The following HS6ST3 variants were observed in gnomAD, a reference collection of about 807,000 sequenced individuals.
HS6ST3 encodes heparan-sulfate 6-O-sulfotransferase 3.
In HS6ST3, 12 loss-of-function variants were observed where a neutral mutation model predicts 36.7. That is an observed-to-expected ratio of 0.33 (90% confidence interval 0.21 to 0.53). HS6ST3 has a LOEUF of 0.53. Among genes scored for constraint, HS6ST3 ranks in the 20% least tolerant of loss-of-function variants. The pLI is 0.95. For synonymous variants in HS6ST3, 240 were observed against 257.5 expected, an observed-to-expected ratio of 0.93 and a Z score of 0.65; for missense variants, 584 against 640.9, an observed-to-expected ratio of 0.91 and a Z score of 0.96.
At chr13:96,519,326 GGCT>G (rs2056084573) in intron 1 of HS6ST3, among the ~76,000 whole-genome samples, 1 of 152,158 alleles carries the variant, frequency 6.6e-6, no homozygotes, top group Non-Finnish European at 1.5e-5. Flanking sequence ...GAAGAGCTAT[GGCT>G]TCACTCAATG....
intron 1 of HS6ST3, among the ~76,000 whole-genome samples, chr13:96,188,809 AT>A (rs2054276386): frequency 6.6e-6 from 1 of 152,116 alleles, no homozygotes; most frequent in Admixed American, 6.6e-5. Context: ...GGGGATATTT[AT>A]TGTCCATAAT....
intron 1 of HS6ST3, among the ~76,000 whole-genome samples, chr13:96,358,520 TA>T (rs1222259090): frequency 6.6e-6 from 1 of 151,928 alleles, no homozygotes; most frequent in Non-Finnish European, 1.5e-5. Flanking sequence ...CTGGGTTCTT[TA>T]AAAAAATTAA....
chr13:96,179,954 C>T (rs757384797), intron 1 of HS6ST3, among the ~76,000 whole-genome samples: 4 of 152,090 alleles, frequency 2.6e-5, no homozygotes, highest in East Asian at 1.9e-4. Context: ...CTCAGCCTAC[C>T]GAGTAACTGG....
intron 1 of HS6ST3, among the ~76,000 whole-genome samples, chr13:96,308,829 C>T (rs61966902): frequency 0.11 from 16,656 of 151,964 alleles, 949 homozygotes; most frequent in Middle Eastern, 0.14. Context: ...TCTAGTGGTA[C>T]GCATGATATA....
intron 1 of HS6ST3, among the ~76,000 whole-genome samples, chr13:96,808,112 A>G (rs1441957972): frequency 6.6e-6 from 1 of 152,228 alleles, no homozygotes; most frequent in East Asian, 1.9e-4. Context: ...GTCCTAAGAC[A>G]AAGAAAAAAG....
At chr13:96,368,238 G>A (rs2055273039) in intron 1 of HS6ST3, among the ~76,000 whole-genome samples, 1 of 152,052 alleles carries the variant, frequency 6.6e-6, no homozygotes, top group Non-Finnish European at 1.5e-5. Context: ...AAAAGTAAGG[G>A]GCTGGCAGTC....
intron 1 of HS6ST3, among the ~76,000 whole-genome samples, chr13:96,530,679 A>G (rs2138934229): frequency 6.6e-6 from 1 of 152,108 alleles, no homozygotes. Flanking sequence ...TTCTAAAACC[A>G]TTCTTTCTAC....
chr13:96,225,373 G>A (rs1163364056), intron 1 of HS6ST3, among the ~76,000 whole-genome samples: 1 of 152,188 alleles, frequency 6.6e-6, no homozygotes, highest in Non-Finnish European at 1.5e-5. Flanking sequence ...AATTTCCAAA[G>A]TCCACAAGTT....
At chr13:96,225,519 T>G (rs115350510) in intron 1 of HS6ST3, among the ~76,000 whole-genome samples, 88 of 152,368 alleles carry the variant, frequency 5.8e-4, no homozygotes, top group African/African-American at 1.4e-3. Context: ...TCATGTTGAA[T>G]ATGCAGCTCT....
chr13:96,642,687 G>A (rs1309604160), intron 1 of HS6ST3, among the ~76,000 whole-genome samples: 1 of 151,802 alleles, frequency 6.6e-6, no homozygotes, highest in Non-Finnish European at 1.5e-5. Context: ...GCCATGTAGT[G>A]ATGTTTCTAC....
At chr13:96,447,185 T>G (rs534514145) in intron 1 of HS6ST3, among the ~76,000 whole-genome samples, 2 of 152,252 alleles carry the variant, frequency 1.3e-5, no homozygotes, top group Admixed American at 1.3e-4. Flanking sequence ...CTGAACGATT[T>G]CTGGAGGCAA....
intron 1 of HS6ST3, among the ~76,000 whole-genome samples, chr13:96,532,814 G>A (rs1020849837): frequency 2.0e-5 from 3 of 152,162 alleles, no homozygotes; most frequent in Non-Finnish European, 4.4e-5. Context: ...TTTGTGCCAG[G>A]ATAACAAAGA....
At chr13:96,784,323 C>T (rs894067584) in intron 1 of HS6ST3, among the ~76,000 whole-genome samples, 2 of 152,106 alleles carry the variant, frequency 1.3e-5, no homozygotes, top group African/African-American at 4.8e-5. Context: ...AGAATTGCAG[C>T]CTGCTCATCA....
At chr13:96,772,124 G>A (rs946882307) in intron 1 of HS6ST3, among the ~76,000 whole-genome samples, 1 of 152,210 alleles carries the variant, frequency 6.6e-6, no homozygotes, top group African/African-American at 2.4e-5. Context: ...TGGCAGCTGA[G>A]ACGTTGGTGT....
chr13:96,247,628 A>T (rs2054590512), intron 1 of HS6ST3, among the ~76,000 whole-genome samples: 1 of 152,006 alleles, frequency 6.6e-6, no homozygotes, highest in Admixed American at 6.6e-5. Context: ...AGTTTTGGGT[A>T]TTTCTTTAGA....
At chr13:96,311,294 C>G (rs1024148081) in intron 1 of HS6ST3, among the ~76,000 whole-genome samples, 2 of 152,158 alleles carry the variant, frequency 1.3e-5, no homozygotes, top group Middle Eastern at 3.2e-3. Flanking sequence ...CTTGTTCTTT[C>G]ATTTCTATCC....
chr13:96,753,095 C>A (rs1221117146), intron 1 of HS6ST3, among the ~76,000 whole-genome samples: 3 of 152,238 alleles, frequency 2.0e-5, no homozygotes, highest in South Asian at 2.1e-4. Flanking sequence ...TGTTCAAGTT[C>A]ATTGGTGTTT....
chr13:96,672,885 T>G (rs2056687089), intron 1 of HS6ST3, among the ~76,000 whole-genome samples: 1 of 152,184 alleles, frequency 6.6e-6, no homozygotes, highest in Non-Finnish European at 1.5e-5. Context: ...TTTGACCTTA[T>G]GAGGGTGTAT....
intron 1 of HS6ST3, among the ~76,000 whole-genome samples, chr13:96,134,734 C>T (rs1416228548): frequency 1.3e-5 from 2 of 152,308 alleles, no homozygotes; most frequent in Middle Eastern, 3.4e-3. Context: ...CTGACCGTCT[C>T]TCACAGTTGC....
Sources: allele counts gnomAD v4.1 joint callset (sites outside exome capture counted in the v4.1 genomes callset), GRCh38; gene constraint gnomAD v4.1.1; transcripts MANE v1.5; gene names NCBI Gene and HGNC (gene_info 2026-07-23, HGNC 2026-07-21).